SPATA13: variants seen among roughly 807,000 people sequenced by gnomAD.
SPATA13 encodes spermatogenesis associated 13.
SPATA13 carries 50 observed loss-of-function variants against 104.0 expected under a neutral mutation model. The observed-to-expected ratio is 0.48, with a 90% CI of 0.38 to 0.61. SPATA13 has a LOEUF of 0.61. SPATA13 is among the 20% of genes least tolerant of loss of function. SPATA13 has a pLI of 0.00. For missense variants in SPATA13, 1,524 were observed against 1,690.6 expected, an observed-to-expected ratio of 0.90 and a Z score of 1.73; for synonymous variants, 606 against 667.5, an observed-to-expected ratio of 0.91 and a Z score of 1.42.
In SPATA13 at chr13:24,224,539, A is replaced by T. The variant is rs956344591; in HGVS notation, c.1610A>T (p.Asn537Ile). 2.6e-6 allele frequency: 4 copies of T among 1,544,110 alleles called. No individual in the cohort carries two copies. The highest frequency in any genetic ancestry group is 3.5e-6 in the Non-Finnish European group (4 of 1,146,946). ...GAGGGCAGCAAGGACCTTCTGGTGAACATTGGTGTGGCAGCCGGCCCAGAA... is the reference window on the plus strand; with the variant it reads ...GAGGGCAGCAAGGACCTTCTGGTGATCATTGGTGTGGCAGCCGGCCCAGAA... ...GDEGSKDLLV[N>I]IGVAAGPEEK... The change falls in exon 2 of 13, where the codon AAC (asparagine) becomes ATC (isoleucine). Residue 537 changes from asparagine (N) to isoleucine (I), a missense_variant. Asn to Ile is a moderately radical substitution (Grantham distance 149). This residue lies in a region of SPATA13 where 1,089 missense variants were observed against 1,135.9 expected (regional missense o/e 0.96). Coordinates refer to ENST00000382108, the MANE Select transcript of SPATA13 (RefSeq NM_001166271.3).
chr13:24,017,032 A>G (rs1876747732), intron 2 of SPATA13, among the ~76,000 whole-genome samples: 1 of 152,164 alleles, frequency 6.6e-6, no homozygotes, highest in Admixed American at 6.5e-5. Context: ...GGTAGTGAGG[A>G]GCGCCCGAAG....
chr13:24,098,925 CAA>C (rs61641076), intron 3 of SPATA13, among the ~76,000 whole-genome samples: 17 of 79,494 alleles, frequency 2.1e-4, no homozygotes, highest in Non-Finnish European at 2.7e-4. Context: ...GACTCCATCT[CAA>C]AAAAAAAAAA....
intron 1 of SPATA13, among the ~76,000 whole-genome samples, chr13:24,175,130 C>A (rs1226385710): frequency 6.6e-6 from 1 of 152,114 alleles, no homozygotes; most frequent in Non-Finnish European, 1.5e-5. Flanking sequence ...ATTCTGATGT[C>A]CTAGGGCGGA....
rs370672628 is a variant in SPATA13 at position 24,167,670 on chromosome 13, T to TAC, written c.-112+6751_-112+6752dup. Among the ~76,000 whole-genome samples, 12 of 152,178 alleles carry TAC rather than the reference T, an allele frequency of 7.9e-5. 1 individual carries two copies. The South Asian group carries it at 8.3e-4, about 11-fold the overall frequency. ...AATCAGTTGTACCCAAGTGCCAGTT[T>TAC]ACACACACACACACTCACTCACTCA... On this transcript the variant is annotated intron_variant, in intron 1 of 12. Transcript: ENST00000382108.
chr13:24,275,216 C>G (rs984820442), intron 4 of SPATA13, among the ~76,000 whole-genome samples: 2 of 152,082 alleles, frequency 1.3e-5, no homozygotes, highest in African/African-American at 4.8e-5. Flanking sequence ...CAGCTGCAGC[C>G]AGGAGGAAAG....
chr13:24,018,392 A>G (rs559358286), intron 3 of SPATA13, among the ~76,000 whole-genome samples: 1 of 152,348 alleles, frequency 6.6e-6, no homozygotes, highest in East Asian at 1.9e-4. Context: ...GTTGGACCCA[A>G]CTAAAGACTA....
chr13:24,108,503 C>T (rs537477138), intron 3 of SPATA13, among the ~76,000 whole-genome samples: 16 of 152,220 alleles, frequency 1.1e-4, no homozygotes, highest in African/African-American at 3.6e-4. Flanking sequence ...TCTTGTGAAA[C>T]GGGACCTGCC....
At chr13:24,122,021 C>G (rs1212602020) in intron 3 of SPATA13, 4 of 1,344,588 alleles carry the variant, frequency 3.0e-6, no homozygotes, top group East Asian at 2.3e-5. Context: ...AGGACGAACA[C>G]AAGCTCTTCA....
intron 3 of SPATA13, among the ~76,000 whole-genome samples, chr13:24,111,891 A>G (rs142375445): frequency 6.6e-6 from 1 of 152,206 alleles, no homozygotes; most frequent in East Asian, 1.9e-4. Context: ...TAATCTCCCC[A>G]TTTATGTTTC....
chr13:24,275,914 A>G lies in SPATA13; in HGVS notation c.2165-8221A>G, dbSNP rs559596983. ...GCGCCACAGCACTCCAGCCTGGGCG[A>G]CAGAGCAAGACCTTGTCCCTCACCC... On this transcript the variant is annotated intron_variant, in intron 4 of 12. Transcript: ENST00000382108. Among the ~76,000 whole-genome samples the G allele has an allele frequency of 2.1e-4, 32 of 152,344 alleles. No individual in the cohort carries two copies. In the South Asian group the frequency reaches 4.6e-3, roughly 22 times the overall value.
chr13:24,047,940 G>A (rs570589618), intron 3 of SPATA13, among the ~76,000 whole-genome samples: 3 of 152,302 alleles, frequency 2.0e-5, no homozygotes, highest in Admixed American at 6.5e-5. Flanking sequence ...CCTGGTCCAA[G>A]CCCAAAGGCC....
At chr13:24,281,126 T>C (rs1451950521) in intron 4 of SPATA13, among the ~76,000 whole-genome samples, 9 of 152,094 alleles carry the variant, frequency 5.9e-5, no homozygotes, top group East Asian at 1.9e-4. Context: ...CTGGCAACCG[T>C]CCCCTCTCCT....
intron 3 of SPATA13, among the ~76,000 whole-genome samples, chr13:24,078,975 A>G (rs1879419652): frequency 6.6e-6 from 1 of 152,236 alleles, no homozygotes; most frequent in African/African-American, 2.4e-5. Flanking sequence ...ATCACCCAAT[A>G]TATGAAATTC....
At chr13:24,076,148 G>C (rs1289970594) in intron 3 of SPATA13, among the ~76,000 whole-genome samples, 1 of 152,174 alleles carries the variant, frequency 6.6e-6, no homozygotes, top group East Asian at 1.9e-4. Context: ...GTGCATTCTT[G>C]ACTGAGAAGT....
intron 3 of SPATA13, among the ~76,000 whole-genome samples, chr13:24,150,336 A>C (rs2138469811): frequency 6.6e-6 from 1 of 152,308 alleles, no homozygotes; most frequent in South Asian, 2.1e-4. Context: ...CCTAGAGAGC[A>C]GCCTGCAGCC....
rs193104977 is a variant in SPATA13 at position 24,054,925 on chromosome 13, T to C, written c.-112+37224T>C. On this transcript the variant is annotated intron_variant, in intron 3 of 14. Transcript: ENST00000424834. The stretch of plus-strand genomic sequence containing the variant: ...GATCATATGTCCCAGCATTTAAACA[T>C]TAAGTCAATTTAGCTAGCTACCTTT... 2.0e-5 allele frequency among the ~76,000 whole-genome samples: 3 copies of C among 152,360 alleles called. No individual in the cohort carries two copies. In the East Asian group the frequency reaches 5.8e-4, roughly 29 times the overall value.
At chr13:23,996,403 A>G (rs954826083) in intron 2 of SPATA13, among the ~76,000 whole-genome samples, 7 of 64,002 alleles carry the variant, frequency 1.1e-4, no homozygotes, top group Admixed American at 9.6e-4. Context: ...GCAGAGTTCA[A>G]TTGGGCAAAA....
At chr13:24,291,912 G>A (rs1000256484) in intron 9 of SPATA13, among the ~76,000 whole-genome samples, 10 of 150,010 alleles carry the variant, frequency 6.7e-5, no homozygotes, top group African/African-American at 1.7e-4. Context: ...GCCCGCCACC[G>A]CGCCCGGCTA....
chr13:24,068,129 A>G (rs1327733843), intron 3 of SPATA13, among the ~76,000 whole-genome samples: 1 of 152,114 alleles, frequency 6.6e-6, no homozygotes, highest in African/African-American at 2.4e-5. Flanking sequence ...AGTGGCCATT[A>G]GTTACTTTGC....
Sources: gnomAD v4.1 joint callset for allele counts (sites outside exome capture counted in the v4.1 genomes callset) on GRCh38, gnomAD v4.1.1 for gene constraint, gnomAD v4.1.1 regional missense constraint, MANE v1.5 for transcripts, NCBI Gene and HGNC (gene_info 2026-07-23, HGNC 2026-07-21) for gene names.